SHISAL1: variants seen among roughly 807,000 people sequenced by gnomAD.
The protein encoded by SHISAL1 is shisa like 1, also known as protein shisa-like-1.
Under a neutral mutation model 22.6 loss-of-function variants are expected in SHISAL1, and 9 were observed. The observed-to-expected ratio is 0.40, with a 90% CI of 0.24 to 0.70. SHISAL1 has a LOEUF of 0.70. SHISAL1 is among the 30% of genes least tolerant of loss of function. SHISAL1 has a pLI of 0.39. For synonymous variants in SHISAL1, 119 were observed against 115.4 expected (o/e 1.03, Z -0.20); for missense variants, 246 against 270.6 (o/e 0.91, Z 0.64).
At chr22:44,291,843 C>T (rs2055354653) in intron 3 of SHISAL1, among the ~76,000 whole-genome samples, 1 of 152,286 alleles carries the variant, frequency 6.6e-6, no homozygotes, top group Non-Finnish European at 1.5e-5. Flanking sequence ...GAGGCTTCCA[C>T]AGATCGCCCA....
At chr22:44,257,334 A>G (rs2055091457) in intron 4 of SHISAL1, among the ~76,000 whole-genome samples, 1 of 152,218 alleles carries the variant, frequency 6.6e-6, no homozygotes, top group African/African-American at 2.4e-5. Context: ...GTCAAAAACA[A>G]CAGCTCCCAC....
the SHISAL1 span, among the ~76,000 whole-genome samples, chr22:44,330,017 T>C: frequency 6.6e-6 from 1 of 152,046 alleles, no homozygotes; most frequent in East Asian, 1.9e-4. Flanking sequence ...GAGCTGAACT[T>C]GATGGTATTT....
intron 3 of SHISAL1, among the ~76,000 whole-genome samples, chr22:44,288,884 T>G (rs2055334165): frequency 6.6e-6 from 1 of 152,202 alleles, no homozygotes; most frequent in South Asian, 2.1e-4. Flanking sequence ...TTGTCTTTGT[T>G]GTTTTGTAGG....
chr22:44,268,312 T>C (rs1352134433), intron 4 of SHISAL1, among the ~76,000 whole-genome samples: 1 of 150,286 alleles, frequency 6.7e-6, no homozygotes, highest in Non-Finnish European at 1.5e-5. Context: ...AAATAAAGAC[T>C]CTTTCTCCTT....
At chr22:44,287,097 C>T (rs914790889) in intron 3 of SHISAL1, among the ~76,000 whole-genome samples, 1 of 152,216 alleles carries the variant, frequency 6.6e-6, no homozygotes, top group Non-Finnish European at 1.5e-5. Context: ...GCCCGGAACC[C>T]GGAGACCTGG....
intron 3 of SHISAL1, among the ~76,000 whole-genome samples, chr22:44,288,740 G>A (rs2055333401): frequency 6.6e-6 from 1 of 152,230 alleles, no homozygotes; most frequent in Non-Finnish European, 1.5e-5. Context: ...CAGAACCCCT[G>A]CCTACCTCCT....
chr22:44,252,786 A>C (rs1420511340), intron 4 of SHISAL1, among the ~76,000 whole-genome samples: 3 of 151,894 alleles, frequency 2.0e-5, no homozygotes, highest in African/African-American at 7.3e-5. Context: ...CGAGGTCAGG[A>C]GTTCAAGACC....
chr22:44,307,743 C>T (rs772765844), intron 1 of SHISAL1, among the ~76,000 whole-genome samples: 3 of 152,106 alleles, frequency 2.0e-5, no homozygotes, highest in Non-Finnish European at 4.4e-5. Context: ...CCGAACTTGG[C>T]GAGGCTGGGG....
chr22:44,293,959 G>A (rs556319611), intron 3 of SHISAL1, among the ~76,000 whole-genome samples: 1 of 152,212 alleles, frequency 6.6e-6, no homozygotes, highest in African/African-American at 2.4e-5. Context: ...GAAATCCTGT[G>A]CAAATATGCA....
At chr22:44,257,767 CGAA>C (rs1419570631) in intron 4 of SHISAL1, among the ~76,000 whole-genome samples, 1 of 152,186 alleles carries the variant, frequency 6.6e-6, no homozygotes, top group African/African-American at 2.4e-5. Flanking sequence ...ATGCACTTCC[CGAA>C]GAAGCTCTGG....
rs370971639 is a variant in SHISAL1 at position 44,266,528 on chromosome 22, A to ATGGGTATGTGTG, written c.*-16844_*-16843insCACACATACCCA. 5.1e-4 allele frequency among the ~76,000 whole-genome samples: 55 copies of ATGGGTATGTGTG among 108,412 alleles called. 1 individual carries two copies. Among genetic ancestry groups the ATGGGTATGTGTG allele is most frequent in the African/African-American group, 1.2e-3 (31 of 26,414 alleles). 71.1% of individuals were successfully genotyped at this position (108,412 alleles called of 152,430 possible). On this transcript the variant is annotated intron_variant, in intron 4 of 4. Coordinates refer to ENST00000381176, the MANE Select transcript of SHISAL1 (RefSeq NM_001099294.2). ...ATGTGTGTGTTGGGGGCTTTGGGGT[A>ATGGGTATGTGTG]TGTGTGTGTGTGTGTGTGTGTGTGT...
chr22:44,295,065 TA>T (rs1342034539), intron 3 of SHISAL1, among the ~76,000 whole-genome samples: 2 of 151,736 alleles, frequency 1.3e-5, no homozygotes, highest in African/African-American at 4.8e-5. Flanking sequence ...TGGGGGGAGG[TA>T]GGGGTACTAC....
chr22:44,320,741 G>A, the SHISAL1 span, among the ~76,000 whole-genome samples: 6 of 152,154 alleles, frequency 3.9e-5, no homozygotes, highest in African/African-American at 1.4e-4. Context: ...CTGTGGACCT[G>A]CAGGTGATGG....
intron 4 of SHISAL1, among the ~76,000 whole-genome samples, chr22:44,259,459 AAAAT>A (rs1176589250): frequency 7.3e-6 from 1 of 137,602 alleles, no homozygotes; most frequent in African/African-American, 2.7e-5. Flanking sequence ...GAATAAAAAT[AAAAT>A]AAAAATTATT....
chr22:44,285,343 A>G, intron 4 of SHISAL1, 85 bp downstream of exon 4: 4 of 1,421,050 alleles, frequency 2.8e-6, no homozygotes, highest in Non-Finnish European at 3.9e-6. Flanking sequence ...TGAGCCAAAC[A>G]CTATGGCGAG....
At chr22:44,268,536 T>G (rs2055181916) in intron 4 of SHISAL1, among the ~76,000 whole-genome samples, 1 of 151,948 alleles carries the variant, frequency 6.6e-6, no homozygotes, top group African/African-American at 2.4e-5. Context: ...GGTGAGGGAG[T>G]GGAACGAGGT....
At chr22:44,284,067 C>T (rs1419264104) in intron 4 of SHISAL1, among the ~76,000 whole-genome samples, 1 of 152,124 alleles carries the variant, frequency 6.6e-6, no homozygotes, top group Non-Finnish European at 1.5e-5. Flanking sequence ...ATTTGTCAAA[C>T]CGAGCCACAC....
intron 4 of SHISAL1, among the ~76,000 whole-genome samples, chr22:44,268,457 A>G (rs529661561): frequency 6.6e-5 from 10 of 152,266 alleles, no homozygotes; most frequent in Non-Finnish European, 4.4e-5. Context: ...CCCTTCCCTC[A>G]TTTTACACAA....
At chr22:44,299,254 G>C (rs1317982289) in intron 2 of SHISAL1, among the ~76,000 whole-genome samples, 1 of 152,218 alleles carries the variant, frequency 6.6e-6, no homozygotes, top group Non-Finnish European at 1.5e-5. Context: ...GGACGCAAAG[G>C]AGAGAGCCGC....
Sources: allele counts gnomAD v4.1 joint callset (sites outside exome capture counted in the v4.1 genomes callset), GRCh38; gene constraint gnomAD v4.1.1; transcripts MANE v1.5; gene names NCBI Gene and HGNC (gene_info 2026-07-23, HGNC 2026-07-21).